ELL2: variants seen among roughly 807,000 people sequenced by gnomAD.
The protein encoded by ELL2 is RNA polymerase II elongation factor ELL2.
ELL2 carries 21 observed loss-of-function variants against 72.8 expected under a neutral mutation model. The ratio of observed to expected loss-of-function variants is 0.29; its 90% CI spans 0.20 to 0.42. The LOEUF (loss-of-function observed/expected upper bound fraction) is 0.42, where lower values mean the gene tolerates loss of function less well. ELL2 is among the 10% of genes least tolerant of loss of function. ELL2 has a pLI of 1.00. For missense variants in ELL2, 568 were observed against 772.8 expected (o/e 0.73, Z 3.14); for synonymous variants, 266 against 283.2 (o/e 0.94, Z 0.61).
chr5:95,913,596 A>T, intron 4 of ELL2, 175 bp downstream of exon 4: 1 of 594,434 alleles, frequency 1.7e-6, no homozygotes, highest in East Asian at 3.4e-5. Context: ...TATGCTCTTC[A>T]ATTTACTGGC....
At chr5:95,957,554 A>G (rs909712630) in intron 1 of ELL2, among the ~76,000 whole-genome samples, 1 of 152,246 alleles carries the variant, frequency 6.6e-6, no homozygotes, top group African/African-American at 2.4e-5. Context: ...AGTTAACATG[A>G]TACACAATCA....
chr5:95,927,837 A>ATG (rs564391223), intron 2 of ELL2, among the ~76,000 whole-genome samples: 1 of 63,216 alleles, frequency 1.6e-5, no homozygotes, highest in Admixed American at 1.4e-4. Flanking sequence ...ACACACACAT[A>ATG]TGTGTGTATA....
intron 2 of ELL2, among the ~76,000 whole-genome samples, chr5:95,939,958 A>T (rs1750911522): frequency 1.3e-5 from 2 of 152,160 alleles, no homozygotes; most frequent in South Asian, 4.1e-4. Context: ...GTAAACCTTT[A>T]GTTGTAAGTA....
chr5:95,951,405 A>C (rs185681544), intron 1 of ELL2, among the ~76,000 whole-genome samples: 6 of 145,894 alleles, frequency 4.1e-5, no homozygotes, highest in Admixed American at 1.4e-4. Flanking sequence ...ATAAATAAAT[A>C]AATCAACAAC....
chr5:95,954,596 CTTTTTTTTT>C (rs1169301940), intron 1 of ELL2, among the ~76,000 whole-genome samples: 1 of 105,870 alleles, frequency 9.4e-6, no homozygotes, highest in South Asian at 3.1e-4. Flanking sequence ...TTTTTTTTTT[CTTTTTTTTT>C]TTTTTTTTTG....
intron 4 of ELL2, among the ~76,000 whole-genome samples, chr5:95,909,189 G>A (rs1287595841): frequency 6.6e-6 from 1 of 152,226 alleles, no homozygotes; most frequent in African/African-American, 2.4e-5. Context: ...AAGAAAGTAA[G>A]AGCCTGATCA....
intron 1 of ELL2, among the ~76,000 whole-genome samples, chr5:95,946,734 T>G (rs1246203585): frequency 6.6e-6 from 1 of 152,236 alleles, no homozygotes; most frequent in African/African-American, 2.4e-5. Context: ...TCTTTCCTGT[T>G]CTTCCAACCT....
chr5:95,942,387 TTAATAG>T (rs1239287267), intron 2 of ELL2, among the ~76,000 whole-genome samples: 7 of 152,220 alleles, frequency 4.6e-5, no homozygotes, highest in African/African-American at 1.7e-4. Context: ...CTATGAAATA[TTAATAG>T]TAATAATTTT....
intron 8 of ELL2, among the ~76,000 whole-genome samples, chr5:95,897,438 T>C (rs1459177716): frequency 6.6e-6 from 1 of 152,244 alleles, no homozygotes; most frequent in South Asian, 2.1e-4. Context: ...AGGACATATT[T>C]TTTAAATAAG....
chr5:95,905,664 A>G, intron 5 of ELL2, among the ~76,000 whole-genome samples: 1 of 152,088 alleles, frequency 6.6e-6, no homozygotes, highest in Non-Finnish European at 1.5e-5. Context: ...AACATTTAGT[A>G]TTATGTTGTG....
intron 2 of ELL2, among the ~76,000 whole-genome samples, chr5:95,920,746 T>C (rs1421141511): frequency 6.6e-6 from 1 of 152,128 alleles, no homozygotes; most frequent in East Asian, 1.9e-4. Context: ...TGCATGGTGT[T>C]AGGTGATAAT....
chr5:95,894,253 A>G (rs1032479496), intron 9 of ELL2, among the ~76,000 whole-genome samples: 7 of 152,236 alleles, frequency 4.6e-5, no homozygotes, highest in African/African-American at 7.2e-5. Context: ...AAACAAAAAA[A>G]GGGGGGATTA....
At chr5:95,957,863 G>A (rs1401215419) in intron 1 of ELL2, among the ~76,000 whole-genome samples, 2 of 152,154 alleles carry the variant, frequency 1.3e-5, no homozygotes, top group African/African-American at 4.8e-5. Context: ...ATCTAAAGAA[G>A]TTCTCTGTTC....
In ELL2 at chr5:95,898,769, A is replaced by G; in HGVS notation, c.996T>C (p.Asn332=). The change falls in exon 8 of 12, where the codon AAT becomes AAC. Residue 332 remains asparagine (N), a synonymous_variant. Coordinates refer to ENST00000237853, the MANE Select transcript of ELL2 (RefSeq NM_012081.6). Reference sequence around the variant, plus strand: ...TCAGGTGAGATATTCGGGCTTTTTTATTCATTAAAGGATCAATAAACTCTG... The same window carrying G: ...TCAGGTGAGATATTCGGGCTTTTTTGTTCATTAAAGGATCAATAAACTCTG... The part of the protein sequence containing the change: ...LDSEFIDPLM[N]KKARISHLTN... The G allele has an allele frequency of 1.3e-6, 2 of 1,539,506 alleles. No individual in the cohort carries two copies. The highest frequency in any genetic ancestry group is 2.8e-5 in the African/African-American group (2 of 72,232).
chr5:95,890,951 A>G (rs6556893), intron 10 of ELL2, 152 bp downstream of exon 10: 249,521 of 870,150 alleles, frequency 0.29, 37,529 homozygotes, highest in African/African-American at 0.48. Context: ...TTCAAGAACT[A>G]TTTCAAATAT....
chr5:95,894,452 C>T lies in ELL2; in HGVS notation c.1589+1176G>A, dbSNP rs555169192. Among the ~76,000 whole-genome samples, 58 of 152,320 alleles carry T rather than the reference C, an allele frequency of 3.8e-4. 1 individual carries two copies. The highest frequency in any genetic ancestry group is 1.4e-3 in the African/African-American group (57 of 41,572). On this transcript the variant is annotated intron_variant, in intron 9 of 11. Transcript: ENST00000237853. ...CAAGGGGGCTGACATTTAAAGACTT[C>T]TAAGGAGAAGTCGTTTGCAGTTAAA...
chr5:95,907,292 A>ATTTTTT (rs895711670), intron 4 of ELL2, among the ~76,000 whole-genome samples: 11 of 76,068 alleles, frequency 1.4e-4, no homozygotes, highest in African/African-American at 7.4e-4. Flanking sequence ...ATATATATAT[A>ATTTTTT]TATATTTTTT....
intron 1 of ELL2, among the ~76,000 whole-genome samples, chr5:95,950,659 A>G (rs1751337833): frequency 6.6e-6 from 1 of 151,908 alleles, no homozygotes; most frequent in Non-Finnish European, 1.5e-5. Context: ...CCTGTGAGTC[A>G]ATGTAACCTT....
intron 1 of ELL2, among the ~76,000 whole-genome samples, chr5:95,958,518 C>T (rs1035964854): frequency 1.3e-5 from 2 of 152,162 alleles, no homozygotes; most frequent in African/African-American, 4.8e-5. Context: ...TGGTTTCTTC[C>T]CAGTTTTCAT....
Sources: gnomAD v4.1 joint callset for allele counts (sites outside exome capture counted in the v4.1 genomes callset) on GRCh38, gnomAD v4.1.1 for gene constraint, MANE v1.5 for transcripts, NCBI Gene and HGNC (gene_info 2026-07-23, HGNC 2026-07-21) for gene names.